The following SLC22A25 variants were observed in gnomAD, a reference collection of about 807,000 sequenced individuals.
The protein encoded by SLC22A25 is solute carrier family 22 member 25, also known as MGI:2442751, MGI:2385316, MGI:3042283, MGI:3645714, MGI:3605624, MGI:2442750.
A neutral mutation model predicts 45.9 loss-of-function variants in SLC22A25; 44 were observed. The observed-to-expected ratio is 0.96, with a 90% CI of 0.75 to 1.23. The LOEUF (loss-of-function observed/expected upper bound fraction) is 1.23, where lower values mean the gene tolerates loss of function less well. Among genes scored for constraint, SLC22A25 ranks in the 50% most tolerant of loss-of-function variants. The pLI is 0.00. For missense variants in SLC22A25, 800 were observed against 666.4 expected (o/e 1.20, Z -2.21); for synonymous variants, 283 against 238.6 (o/e 1.19, Z -1.72).
chr11:63,171,032 C>G (rs1325084821), intron 9 of SLC22A25, among the ~76,000 whole-genome samples: 1 of 152,162 alleles, frequency 6.6e-6, no homozygotes, highest in African/African-American at 2.4e-5. Flanking sequence ...TAAATATAAT[C>G]CATCACGTAA....
In SLC22A25 at chr11:63,159,276, G is replaced by A. The variant is rs2087517111; in HGVS notation, c.*4548C>T. Among the ~76,000 whole-genome samples the A allele has an allele frequency of 6.6e-6, 1 of 152,064 alleles. No individual in the cohort carries two copies. The highest frequency in any genetic ancestry group is 2.1e-4 in the South Asian group (1 of 4,826). On this transcript the variant is annotated 3_prime_UTR_variant, in exon 12 of 12. Coordinates refer to ENST00000306494, the MANE Select transcript of SLC22A25 (RefSeq NM_199352.6). ...TCCTTTCTTTTGGGTATATGCCTTT[G>A]ATATGATTTGGCTGCACCCCCACCC...
At chr11:63,171,614 G>A (rs781569862) in intron 9 of SLC22A25, among the ~76,000 whole-genome samples, 7 of 151,998 alleles carry the variant, frequency 4.6e-5, no homozygotes, top group Admixed American at 3.9e-4. Context: ...ACGTGAAGGA[G>A]CTCTTCAAGG....
chr11:63,194,298 C>G (rs2088922840), intron 7 of SLC22A25, among the ~76,000 whole-genome samples: 1 of 152,100 alleles, frequency 6.6e-6, no homozygotes, highest in African/African-American at 2.4e-5. Context: ...CATTCAAATT[C>G]AGGAAATACA....
intron 5 of SLC22A25, chr11:63,219,970 A>T (rs2089813996): frequency 7.8e-7 from 1 of 1,289,170 alleles, no homozygotes; most frequent in African/African-American, 1.5e-5. Context: ...TGGGCACCTC[A>T]AGTCCCTCGT....
chr11:63,229,475 G>C lies in SLC22A25; in HGVS notation c.178C>G (p.Pro60Ala). ...CTGAGGGTCCCAGGGTCATTGTCAG[G>C]GATAGTGTCATTGTCCAGTATATGA... is the stretch of plus-strand genomic sequence containing the variant. ...WVHILDNDTI[P>A]DNDPGTLSQD... Residue 60 changes from proline to alanine, a missense_variant, in exon 4 of 12, where the codon CCT (proline) becomes GCT (alanine). By Grantham distance (27) the Pro-to-Ala change is conservative. Transcript: ENST00000306494. 1.9e-6 allele frequency: 3 copies of C among 1,614,102 alleles called. No homozygotes were observed. Among genetic ancestry groups the C allele is most frequent in the Non-Finnish European group, 2.5e-6 (3 of 1,179,966 alleles).
At chr11:63,214,418 T>G (rs2089657948) in intron 7 of SLC22A25, among the ~76,000 whole-genome samples, 1 of 152,072 alleles carries the variant, frequency 6.6e-6, no homozygotes, top group African/African-American at 2.4e-5. Flanking sequence ...TAAAAGAAAT[T>G]AAAGAATGTG....
At chr11:63,179,297 AT>A (rs2088233618) in intron 9 of SLC22A25, among the ~76,000 whole-genome samples, 1 of 151,694 alleles carries the variant, frequency 6.6e-6, no homozygotes, top group Admixed American at 6.6e-5. Flanking sequence ...CTTAAGATTT[AT>A]TTTGTTCCCT....
chr11:63,229,592 T>C lies in SLC22A25; in HGVS notation c.61A>G (p.Met21Val). ...ACGTTGAACATTATAAGGAAAACCA[T>C]CTGAAGGATCTGGAATCTCCCCAGG... Reference protein sequence around the residue: ...GGLGRFQILQMVFLIMFNVIV... With the variant: ...GGLGRFQILQVVFLIMFNVIV... Residue 21 changes from methionine to valine, a missense_variant, in exon 4 of 12, where the codon ATG becomes GTG. Transcript: ENST00000306494. 6 of 1,613,412 alleles carry C rather than the reference T, an allele frequency of 3.7e-6. No homozygotes were observed. The highest frequency in any genetic ancestry group is 5.1e-6 in the Non-Finnish European group (6 of 1,179,474).
At chr11:63,181,915 TTAAC>T (rs2088339890) in intron 8 of SLC22A25, among the ~76,000 whole-genome samples, 1 of 152,066 alleles carries the variant, frequency 6.6e-6, no homozygotes, top group Non-Finnish European at 1.5e-5. Flanking sequence ...TCTGAACCCT[TTAAC>T]TATCTCTCAG....
chr11:63,185,507 T>G (rs935577949), intron 7 of SLC22A25, among the ~76,000 whole-genome samples: 17 of 149,940 alleles, frequency 1.1e-4, no homozygotes, highest in African/African-American at 4.0e-4. Context: ...ATGGTGTATA[T>G]GTGCCACATT....
chr11:63,199,547 C>A (rs950109623), intron 7 of SLC22A25, among the ~76,000 whole-genome samples: 1 of 152,058 alleles, frequency 6.6e-6, no homozygotes, highest in Non-Finnish European at 1.5e-5. Context: ...TCAGCCTCCC[C>A]CTCCCGCCTC....
At chr11:63,226,675 G>A (rs569217243) in intron 5 of SLC22A25, among the ~76,000 whole-genome samples, 4 of 152,148 alleles carry the variant, frequency 2.6e-5, no homozygotes, top group Non-Finnish European at 5.9e-5. Context: ...AAGGTCCTAG[G>A]GTTCTACAAT....
intron 10 of SLC22A25, among the ~76,000 whole-genome samples, chr11:63,165,561 C>G (rs1164657351): frequency 6.6e-6 from 1 of 152,128 alleles, no homozygotes; most frequent in Non-Finnish European, 1.5e-5. Context: ...TCCCCTAAAC[C>G]AGGATTGCAG....
At position 63,228,581 on chromosome 11, in the gene SLC22A25, C is replaced by A. The variant is rs986045781; in HGVS notation, c.403-17G>T. ...CAGATCCCACTGGAAGAAAAGGAAA[C>A]CCTCATATCAATGCTTATAGCCCCT... On this transcript the variant is annotated splice_polypyrimidine_tract_variant and intron_variant, in intron 4 of 11. Coordinates refer to ENST00000306494, the MANE Select transcript of SLC22A25 (RefSeq NM_199352.6). 25 of 1,582,590 alleles carry A rather than the reference C, an allele frequency of 1.6e-5. No individual in the cohort carries two copies. In the South Asian group the frequency reaches 2.7e-4, roughly 17 times the overall value.
rs1245248274 is a variant in SLC22A25 at position 63,183,688 on chromosome 11, G to T, written c.954+6C>A. 9.3e-6 allele frequency: 15 copies of T among 1,612,368 alleles called. No individual in the cohort carries two copies. The Admixed American group carries it at 2.3e-4, about 25-fold the overall frequency. The stretch of plus-strand genomic sequence containing the variant: ...GCATCCCATATCCAGCTCCCGTCTT[G>T]CTTACCTCCATGGTTAGGATGTCTT... On this transcript the variant is annotated splice_donor_region_variant and intron_variant, in intron 8 of 11. Transcript: ENST00000306494.
chr11:63,241,728 G>C (rs2090251839), intron 1 of SLC22A25, among the ~76,000 whole-genome samples: 1 of 152,122 alleles, frequency 6.6e-6, no homozygotes, highest in Non-Finnish European at 1.5e-5. Context: ...TTCTATATCT[G>C]AACCTAGAAA....
chr11:63,237,510 G>T (rs2134860174), intron 3 of SLC22A25, among the ~76,000 whole-genome samples: 1 of 152,260 alleles, frequency 6.6e-6, no homozygotes, highest in African/African-American at 2.4e-5. Context: ...AGATGCTGAT[G>T]CCAAACTCTT....
At chr11:63,180,802 T>A (rs758304444) in intron 8 of SLC22A25, 27 bp from the exon 9 acceptor site, 7 of 1,544,846 alleles carry the variant, frequency 4.5e-6, no homozygotes, top group African/African-American at 1.4e-5. Flanking sequence ...AGCAATAAAC[T>A]GTTCAGTTGT....
In SLC22A25 at chr11:63,173,150, T is replaced by C. The variant is rs1245888069; in HGVS notation, c.1071-6892A>G. 2.3e-5 allele frequency among the ~76,000 whole-genome samples: 3 copies of C among 132,672 alleles called. No individual in the cohort carries two copies. The Admixed American group carries it at 2.8e-4, about 12-fold the overall frequency. The allele number at this position is 132,672 out of a possible 152,430, so 87.0% of individuals were successfully genotyped here. On this transcript the variant is annotated intron_variant, in intron 9 of 11. Transcript: ENST00000306494. ...AGCAAACAACACAGGTTTTCACTCA[T>C]AAGTGGGAACTGAACAATGGGAACA...
Sources: gnomAD v4.1 joint callset for allele counts (sites outside exome capture counted in the v4.1 genomes callset) on GRCh38, gnomAD v4.1.1 for gene constraint, MANE v1.5 for transcripts, NCBI Gene and HGNC (gene_info 2026-07-23, HGNC 2026-07-21) for gene names.